Variants in ANKRD13A observed in about 807,000 individuals in gnomAD.
The protein encoded by ANKRD13A is ankyrin repeat domain-containing protein 13A.
Under a neutral mutation model 81.3 loss-of-function variants are expected in ANKRD13A, and 48 were observed. That is an observed-to-expected ratio of 0.59 (90% CI 0.47 to 0.75). The LOEUF is 0.75. ANKRD13A is among the 30% of genes least tolerant of loss of function. The probability of loss-of-function intolerance (pLI) is 0.00; values close to 1 mark genes in which losing one functional copy is unlikely to be tolerated. For missense variants in ANKRD13A, 612 were observed against 734.0 expected, an observed-to-expected ratio of 0.83 and a Z score of 1.92; for synonymous variants, 230 against 270.1, an observed-to-expected ratio of 0.85 and a Z score of 1.45.
rs755427453 is a variant in ANKRD13A, at chr12:110,029,561, G to A, written c.1160G>A (p.Arg387Gln). 122 of 1,613,690 alleles carry A rather than the reference G, an allele frequency of 7.6e-5. No homozygotes were observed. Among genetic ancestry groups the A allele is most frequent in the Non-Finnish European group, 1.0e-4 (119 of 1,179,918 alleles). The change falls in exon 11 of 15, where the codon CGA (arginine) becomes CAA (glutamine). Residue 387 changes from arginine to glutamine, a missense_variant. Arg to Gln is a conservative substitution (Grantham distance 43). Coordinates refer to ENST00000261739, the MANE Select transcript of ANKRD13A (RefSeq NM_033121.2). Reference sequence around the variant, plus strand: ...ATTCCCATCATTGACCTAATGGCTCGAACGAGTGCTCATTTTGCAAGACTG... The same window carrying A: ...ATTCCCATCATTGACCTAATGGCTCAAACGAGTGCTCATTTTGCAAGACTG... Reference protein sequence around the residue: ...QVIPIIDLMARTSAHFARLRD... With the variant: ...QVIPIIDLMAQTSAHFARLRD...
At chr12:110,022,273 C>T (rs1006046170) in intron 6 of ANKRD13A, 1 of 152,032 alleles carries the variant, frequency 6.6e-6, no homozygotes, top group Non-Finnish European at 1.5e-5. Flanking sequence ...CACGGTGAAA[C>T]CCCATATCTA....
intron 10 of ANKRD13A, chr12:110,029,277 T>C: frequency 2.1e-6 from 1 of 474,260 alleles, no homozygotes; most frequent in Non-Finnish European, 3.7e-6. Flanking sequence ...GTCATGCAGG[T>C]CGCTTGCCTT....
At chr12:110,011,431 T>G (rs1224816385) in intron 1 of ANKRD13A, among the ~76,000 whole-genome samples, 1 of 152,234 alleles carries the variant, frequency 6.6e-6, no homozygotes, top group East Asian at 1.9e-4. Flanking sequence ...CAGATCATGC[T>G]TGCGGTCTGA....
Position 110,036,066 on chromosome 12 carries a change from C to T in ANKRD13A, c.1510-195C>T. On this transcript the variant is annotated intron_variant, in intron 13 of 14. Transcript: ENST00000261739. The surrounding 1 kb of genome is among the most constrained non-coding windows in gnomAD (Gnocchi z 4.6). ...GAGAAGGTTGTGGCTGTGAGTTAGG[C>T]TGTGGCATGTTACTACCTCCCACTT... 1.7e-6 allele frequency: 1 copy of T among 577,018 alleles called. No individual in the cohort carries two copies. The highest frequency in any genetic ancestry group is 3.1e-5 in the East Asian group (1 of 32,756). The allele number at this position is 577,018 out of a possible 1,614,324, so 35.7% of individuals were successfully genotyped here.
chr12:110,028,807 G>A (rs4766427), intron 10 of ANKRD13A, 165 bp downstream of exon 10: 26,873 of 808,836 alleles, frequency 0.033, 611 homozygotes, highest in African/African-American at 0.081. Flanking sequence ...GCACGAACTC[G>A]GCTCACTGCA....
At position 110,038,171 on chromosome 12, in the gene ANKRD13A, CTA is replaced by C. The variant is rs1480331842; in HGVS notation, c.*619_*620del. On this transcript the variant is annotated 3_prime_UTR_variant, in exon 15 of 15. Transcript: ENST00000261739. ...AGAATCTATTTTAGATTATTGTTAA[CTA>C]TTTGCATCAAATTAAGATACACAAA... 2 of 152,782 alleles carry C rather than the reference CTA, an allele frequency of 1.3e-5. No homozygotes were observed. The highest frequency in any genetic ancestry group is 4.8e-5 in the African/African-American group (2 of 41,584). 9.5% of individuals were successfully genotyped at this position (152,782 alleles called of 1,614,324 possible).
intron 9 of ANKRD13A, 116 bp downstream of exon 9, chr12:110,027,882 C>A (rs1034793632): frequency 8.7e-6 from 8 of 915,800 alleles, no homozygotes; most frequent in Non-Finnish European, 1.4e-5. Flanking sequence ...GCCAAAGATA[C>A]CCCCAAGCTG....
At chr12:110,008,453 G>C (rs1890346675) in intron 1 of ANKRD13A, among the ~76,000 whole-genome samples, 1 of 152,020 alleles carries the variant, frequency 6.6e-6, no homozygotes, top group Admixed American at 6.6e-5. Context: ...ATTAGTGTGT[G>C]GTTTTCTTTT....
At position 110,038,011 on chromosome 12, in the gene ANKRD13A, A is replaced by G. The variant is rs1247683455; in HGVS notation, c.*457A>G. On this transcript the variant is annotated 3_prime_UTR_variant, in exon 15 of 15. Coordinates refer to ENST00000261739, the MANE Select transcript of ANKRD13A (RefSeq NM_033121.2). ...TGGAGACACTTCTTTACTGTTCACCAAAGAAATGGGTAATCTGTGCTGATC... is the reference window on the plus strand; with the variant it reads ...TGGAGACACTTCTTTACTGTTCACCGAAGAAATGGGTAATCTGTGCTGATC... 1 of 154,598 alleles carries G rather than the reference A, an allele frequency of 6.5e-6. No homozygotes were observed. Among genetic ancestry groups the G allele is most frequent in the Non-Finnish European group, 1.4e-5 (1 of 69,650 alleles). The allele number at this position is 154,598 out of a possible 1,614,324, so 9.6% of individuals were successfully genotyped here.
chr12:110,011,986 G>T lies in ANKRD13A; in HGVS notation c.97-19G>T. On this transcript the variant is annotated intron_variant, in intron 1 of 14. Coordinates refer to ENST00000261739, the MANE Select transcript of ANKRD13A (RefSeq NM_033121.2). ...ATGTAATACATCCAATTATGTAAAT[G>T]CCAGTGTTTCCTTCACAGAATGTGG... is the stretch of plus-strand genomic sequence containing the variant. 1 of 1,579,792 alleles carries T rather than the reference G, an allele frequency of 6.3e-7. No individual in the cohort carries two copies. The highest frequency in any genetic ancestry group is 8.7e-7 in the Non-Finnish European group (1 of 1,153,192).
intron 11 of ANKRD13A, 68 bp from the exon 12 acceptor site, chr12:110,030,577 G>A: frequency 1.1e-6 from 1 of 929,098 alleles, no homozygotes; most frequent in Non-Finnish European, 1.6e-6. Context: ...TAAGCACTTA[G>A]TAAATGATAA....
chr12:110,010,997 A>G (rs1354516649), intron 1 of ANKRD13A, among the ~76,000 whole-genome samples: 2 of 152,120 alleles, frequency 1.3e-5, no homozygotes, highest in African/African-American at 2.4e-5. Flanking sequence ...CCCAGCTACT[A>G]GGGAGGCTGA....
chr12:110,034,104 TG>T, intron 13 of ANKRD13A, 147 bp downstream of exon 13: 2 of 838,328 alleles, frequency 2.4e-6, no homozygotes, highest in Non-Finnish European at 1.7e-6. Context: ...TTTGTGCATC[TG>T]GTCTTCTTAC....
At chr12:110,019,371 T>G in intron 6 of ANKRD13A, 43 bp downstream of exon 6, 1 of 1,527,262 alleles carries the variant, frequency 6.5e-7, no homozygotes. Context: ...ATCCCCATGC[T>G]GCCATCTTGA....
rs60340521 is a variant in ANKRD13A, at chr12:110,013,100, T to C, written c.230-25T>C. 1,438 of 1,612,404 alleles carry C rather than the reference T, an allele frequency of 8.9e-4. 6 individuals are homozygous for C. The African/African-American group carries it at 0.017, about 19-fold the overall frequency. On this transcript the variant is annotated intron_variant, in intron 2 of 14. Coordinates refer to ENST00000261739, the MANE Select transcript of ANKRD13A (RefSeq NM_033121.2). ...GGAATTTGTCAGAAAGTATGAGAATTAAATTTCACCCTTTTGTTTTCTAGT... is the reference window on the plus strand; with the variant it reads ...GGAATTTGTCAGAAAGTATGAGAATCAAATTTCACCCTTTTGTTTTCTAGT...
intron 4 of ANKRD13A, 108 bp downstream of exon 4, chr12:110,016,541 GA>G: frequency 9.7e-7 from 1 of 1,030,854 alleles, no homozygotes; most frequent in Non-Finnish European, 1.4e-6. Flanking sequence ...TTTAGTCAAG[GA>G]AATACATAGT....
At chr12:110,028,440 A>G (rs1593224818) in intron 9 of ANKRD13A, 72 bp from the exon 10 acceptor site, 7 of 1,576,730 alleles carry the variant, frequency 4.4e-6, no homozygotes, top group Non-Finnish European at 6.1e-6. Flanking sequence ...CACCTCAGAC[A>G]CTGAGTGCCA....
Position 110,019,288 on chromosome 12 carries a change from A to G in ANKRD13A, c.694A>G (p.Ile232Val), listed in dbSNP as rs965453097. Reference protein sequence around the residue: ...EVERRLTSPVINTSLDTKNIA... With the variant: ...EVERRLTSPVVNTSLDTKNIA... ...TGAGCGGCGGCTCACAAGCCCTGTCATTAACACCAGCCTCGATACTAAAAA... is the reference window on the plus strand; with the variant it reads ...TGAGCGGCGGCTCACAAGCCCTGTCGTTAACACCAGCCTCGATACTAAAAA... Residue 232 changes from isoleucine (I) to valine (V), a missense_variant, in exon 6 of 15, where the codon ATT (isoleucine) becomes GTT (valine). By Grantham distance (29) the Ile-to-Val change is conservative. Coordinates refer to ENST00000261739, the MANE Select transcript of ANKRD13A (RefSeq NM_033121.2). 2 of 1,613,468 alleles carry G rather than the reference A, an allele frequency of 1.2e-6. No individual in the cohort carries two copies. The highest frequency in any genetic ancestry group is 1.7e-6 in the Non-Finnish European group (2 of 1,179,576).
In ANKRD13A at chr12:110,033,951, G is replaced by C; in HGVS notation, c.1503G>C (p.Arg501Ser). ...AIQQSLLESS[R>S]SQELSGPASN... ...AGCAAAGTCTGCTGGAGTCCAGCAG[G>C]AGCCAGGTGTGTTTATCAGAATACT... The change falls in exon 13 of 15, where the codon AGG (arginine) becomes AGC (serine). Residue 501 changes from arginine to serine, a missense_variant. Transcript: ENST00000261739. 1 of 1,609,118 alleles carries C rather than the reference G, an allele frequency of 6.2e-7. No individual in the cohort carries two copies. Among genetic ancestry groups the C allele is most frequent in the Non-Finnish European group, 8.5e-7 (1 of 1,177,620 alleles).
Sources: gnomAD v4.1 joint callset for allele counts (sites outside exome capture counted in the v4.1 genomes callset) on GRCh38, gnomAD v4.1.1 for gene constraint, Gnocchi (gnomAD v3.1) non-coding constraint, MANE v1.5 for transcripts, NCBI Gene and HGNC (gene_info 2026-07-23, HGNC 2026-07-21) for gene names.